Variants in SGCD observed in about 807,000 individuals in gnomAD.
The protein encoded by SGCD is delta-sarcoglycan.
SGCD carries 18 observed loss-of-function variants against 36.6 expected under a neutral mutation model. The observed-to-expected ratio is 0.49, with a 90% CI of 0.34 to 0.73. The LOEUF (loss-of-function observed/expected upper bound fraction) is 0.73, where lower values mean the gene tolerates loss of function less well. Among genes scored for constraint, SGCD ranks in the 30% least tolerant of loss-of-function variants. The pLI is 0.01. For missense variants in SGCD, 387 were observed against 346.7 expected, an observed-to-expected ratio of 1.12 and a Z score of -0.92; for synonymous variants, 133 against 130.6, an observed-to-expected ratio of 1.02 and a Z score of -0.12.
chr5:155,925,944 G>GTTTTC (rs1419887908), intron 1 of SGCD, among the ~76,000 whole-genome samples: 2 of 150,666 alleles, frequency 1.3e-5, no homozygotes, highest in Non-Finnish European at 2.9e-5. Flanking sequence ...GTTTTGTTTT[G>GTTTTC]TAGAGACAGG....
intron 4 of SGCD, among the ~76,000 whole-genome samples, chr5:156,514,742 A>G (rs1757085000): frequency 6.6e-6 from 1 of 152,192 alleles, no homozygotes; most frequent in Non-Finnish European, 1.5e-5. Flanking sequence ...CTTGGGTGGC[A>G]ACTAGTGCTA....
At chr5:156,578,981 C>G (rs555953817) in intron 4 of SGCD, among the ~76,000 whole-genome samples, 1 of 151,624 alleles carries the variant, frequency 6.6e-6, no homozygotes, top group Non-Finnish European at 1.5e-5. Context: ...TTGCTCTTCT[C>G]TAGTTCTTTT....
intron 8 of SGCD, chr5:156,757,941 A>G: frequency 2.1e-5 from 27 of 1,277,466 alleles, no homozygotes; most frequent in Middle Eastern, 3.0e-4. Context: ...CCAAGTACAG[A>G]ATTATATGAC....
intron 3 of SGCD, among the ~76,000 whole-genome samples, chr5:156,246,503 G>T (rs900195869): frequency 1.1e-4 from 17 of 152,100 alleles, no homozygotes; most frequent in African/African-American, 3.9e-4. Context: ...TGAGAAATTC[G>T]ATTTTTAATG....
chr5:156,095,230 T>A (rs973611540), intron 1 of SGCD, among the ~76,000 whole-genome samples: 2 of 152,162 alleles, frequency 1.3e-5, no homozygotes, highest in African/African-American at 4.8e-5. Flanking sequence ...TACGCAAATC[T>A]CACCACATAG....
At chr5:155,981,775 C>G (rs1022222773) in intron 1 of SGCD, among the ~76,000 whole-genome samples, 4 of 152,164 alleles carry the variant, frequency 2.6e-5, no homozygotes, top group African/African-American at 9.7e-5. Context: ...GGGCCCTCCA[C>G]AAGCCTCTCC....
chr5:156,635,566 C>T (rs1189003374), intron 6 of SGCD, among the ~76,000 whole-genome samples: 1 of 152,028 alleles, frequency 6.6e-6, no homozygotes, highest in Non-Finnish European at 1.5e-5. Context: ...AAACATACTG[C>T]TGTAAAGACA....
intron 7 of SGCD, among the ~76,000 whole-genome samples, chr5:156,736,424 G>A (rs1008048469): frequency 6.6e-5 from 10 of 152,032 alleles, no homozygotes; most frequent in Non-Finnish European, 1.3e-4. Flanking sequence ...CATTAAATAG[G>A]GATATTGTAT....
At chr5:156,344,179 A>G (rs143848402) in intron 2 of SGCD, among the ~76,000 whole-genome samples, 17 of 152,236 alleles carry the variant, frequency 1.1e-4, no homozygotes, top group African/African-American at 4.1e-4. Context: ...TCTCCCCCAC[A>G]AAGATGTTGG....
the SGCD span, among the ~76,000 whole-genome samples, chr5:155,848,698 C>T: frequency 6.6e-6 from 1 of 152,046 alleles, no homozygotes; most frequent in South Asian, 2.1e-4. Context: ...TATAGCTTTC[C>T]CCCAGCTATT....
chr5:156,734,462 C>A (rs71591069), intron 7 of SGCD, among the ~76,000 whole-genome samples: 6,425 of 152,160 alleles, frequency 0.042, 189 homozygotes, highest in South Asian at 0.069. Flanking sequence ...TGGATGATAT[C>A]CTGGAACATG....
In SGCD at chr5:155,966,963, GTGTGTA is replaced by G. The variant is rs1217862693; in HGVS notation, c.-282+96551_-282+96556del. ...TGTGTGTGTGTGTGTGTGTGTATGT[GTGTGTA>G]TGTGTATGTGTGTATATGTGTGCGT... On this transcript the variant is annotated intron_variant, in intron 1 of 9. Coordinates refer to the SGCD transcript ENST00000517913. 4.7e-4 allele frequency among the ~76,000 whole-genome samples: 71 copies of G among 149,906 alleles called. 1 individual carries two copies. In the South Asian group the frequency reaches 0.013, roughly 28 times the overall value.
At chr5:155,809,554 G>C in the SGCD span, among the ~76,000 whole-genome samples, 1 of 152,084 alleles carries the variant, frequency 6.6e-6, no homozygotes, top group Admixed American at 6.5e-5. Flanking sequence ...GTGTGATCAA[G>C]AGTTCTAGAT....
chr5:155,890,638 T>TGATAGATAGATAGATA (rs34093451), intron 1 of SGCD, among the ~76,000 whole-genome samples: 125 of 143,542 alleles, frequency 8.7e-4, no homozygotes, highest in Admixed American at 1.2e-3. Context: ...GATAGACAGA[T>TGATAGATAGATAGATA]GATAGATAGA....
chr5:156,425,089 T>C (rs1773614490), intron 3 of SGCD, among the ~76,000 whole-genome samples: 1 of 151,996 alleles, frequency 6.6e-6, no homozygotes, highest in South Asian at 2.1e-4. Flanking sequence ...CTTCCCAAAC[T>C]CCAGCGAAAG....
chr5:155,937,488 C>T (rs1275755961), intron 1 of SGCD, among the ~76,000 whole-genome samples: 1 of 152,180 alleles, frequency 6.6e-6, no homozygotes, highest in Non-Finnish European at 1.5e-5. Context: ...GAAATGCCTG[C>T]ATCCATAAAA....
At chr5:156,274,601 T>C (rs948086815) in intron 3 of SGCD, among the ~76,000 whole-genome samples, 44 of 152,280 alleles carry the variant, frequency 2.9e-4, no homozygotes, top group African/African-American at 9.6e-4. Flanking sequence ...GAGTACTATA[T>C]GATGTTATCA....
chr5:156,307,140 C>T (rs1002074101), intron 3 of SGCD, among the ~76,000 whole-genome samples: 1 of 151,486 alleles, frequency 6.6e-6, no homozygotes, highest in African/African-American at 2.4e-5. Flanking sequence ...TTCCTGGGCC[C>T]AAGCAATCCT....
At chr5:156,630,286 C>A (rs1021648229) in intron 6 of SGCD, among the ~76,000 whole-genome samples, 3 of 152,180 alleles carry the variant, frequency 2.0e-5, no homozygotes, top group African/African-American at 7.2e-5. Flanking sequence ...TTCAGCATCT[C>A]TTATAGTGCC....
Sources: gnomAD v4.1 joint callset for allele counts (sites outside exome capture counted in the v4.1 genomes callset) on GRCh38, gnomAD v4.1.1 for gene constraint, MANE v1.5 for transcripts, NCBI Gene and HGNC (gene_info 2026-07-23, HGNC 2026-07-21) for gene names.